Variants in RCOR1 observed in about 807,000 individuals in gnomAD.
The protein encoded by RCOR1 is REST corepressor.
RCOR1 carries 12 observed loss-of-function variants against 64.0 expected under a neutral mutation model. That is an observed-to-expected ratio of 0.19 (90% confidence interval 0.12 to 0.30). RCOR1 has a LOEUF of 0.30. RCOR1 is among the 10% of genes least tolerant of loss of function. The pLI, the probability that RCOR1 is intolerant of heterozygous loss-of-function variation, is 1.00. For synonymous variants in RCOR1, 279 were observed against 227.2 expected (o/e 1.23, Z -2.05); for missense variants, 502 against 621.2 (o/e 0.81, Z 2.04).
intron 4 of RCOR1, among the ~76,000 whole-genome samples, chr14:102,703,672 G>A (rs1895791764): frequency 6.6e-6 from 1 of 152,210 alleles, no homozygotes; most frequent in South Asian, 2.1e-4. Context: ...GAGTCTCTCT[G>A]AAGAGACCAC....
At chr14:102,703,551 T>C (rs1895789556) in intron 4 of RCOR1, among the ~76,000 whole-genome samples, 1 of 152,234 alleles carries the variant, frequency 6.6e-6, no homozygotes, top group South Asian at 2.1e-4. Context: ...TGGTCTGATA[T>C]ATTCAAAGCA....
rs1186530941 is a variant in RCOR1, at chr14:102,597,249, C to T, written c.361+3924C>T. 2.0e-5 allele frequency among the ~76,000 whole-genome samples: 3 copies of T among 150,056 alleles called. No homozygotes were observed. In the East Asian group the frequency reaches 5.8e-4, roughly 29 times the overall value. ...ACAGAGAGGTGGACGTGAAACTTAACAGGCAGCTTTTTTTCTTTTCTTTTT... is the reference window on the plus strand; with the variant it reads ...ACAGAGAGGTGGACGTGAAACTTAATAGGCAGCTTTTTTTCTTTTCTTTTT... On this transcript the variant is annotated intron_variant, in intron 2 of 11. Coordinates refer to ENST00000262241, the MANE Select transcript of RCOR1 (RefSeq NM_015156.4).
chr14:102,638,368 CTTCTT>C (rs1476138666), intron 2 of RCOR1, among the ~76,000 whole-genome samples: 2 of 152,096 alleles, frequency 1.3e-5, no homozygotes, highest in East Asian at 3.9e-4. Context: ...ATAGCGTTGT[CTTCTT>C]TTCTTTCTTT....
intron 2 of RCOR1, chr14:102,659,431 C>T (rs1894789260): frequency 3.9e-6 from 1 of 256,694 alleles, no homozygotes; most frequent in Admixed American, 6.5e-5. Context: ...CTGGAGATTC[C>T]TGCAAAGTGG....
chr14:102,611,175 G>A (rs997505211), intron 2 of RCOR1, among the ~76,000 whole-genome samples: 2 of 151,554 alleles, frequency 1.3e-5, no homozygotes, highest in East Asian at 3.9e-4. Context: ...CCATTCAGGC[G>A]ATTCTCCTGT....
intron 2 of RCOR1, among the ~76,000 whole-genome samples, chr14:102,664,104 T>A (rs370399383): frequency 1.3e-5 from 2 of 152,082 alleles, no homozygotes; most frequent in East Asian, 3.9e-4. Context: ...ATTGAGTCAG[T>A]TCTATTTTTT....
At chr14:102,628,742 C>T (rs1224289207) in intron 2 of RCOR1, among the ~76,000 whole-genome samples, 8 of 152,134 alleles carry the variant, frequency 5.3e-5, no homozygotes, top group Middle Eastern at 3.2e-3. Flanking sequence ...TTAGTAGAGA[C>T]GGTGTTCCAC....
intron 2 of RCOR1, among the ~76,000 whole-genome samples, chr14:102,608,986 T>C (rs1020645123): frequency 1.3e-5 from 2 of 151,918 alleles, no homozygotes; most frequent in African/African-American, 4.8e-5. Context: ...ATATATCTAT[T>C]AGTGGAATTG....
At chr14:102,662,848 A>G (rs1894851336) in intron 2 of RCOR1, 1 of 178,494 alleles carries the variant, frequency 5.6e-6, no homozygotes, top group African/African-American at 2.4e-5. Flanking sequence ...AACTTTGTAG[A>G]TAAGTTTTTG....
rs528221524 is a variant in RCOR1 at position 102,727,600 on chromosome 14, G to A, written c.*1094G>A. The A allele has an allele frequency of 6.6e-6, 1 of 152,196 alleles. No individual in the cohort carries two copies. The highest frequency in any genetic ancestry group is 1.9e-4 in the East Asian group (1 of 5,168). The allele number at this position is 152,196 out of a possible 1,614,324, so 9.4% of individuals were successfully genotyped here. The stretch of plus-strand genomic sequence containing the variant: ...TGCCTGGCCTTTTATGTGGCACTCT[G>A]TATGTCAGTTTGTGTCCTTCATGTG... On this transcript the variant is annotated 3_prime_UTR_variant, in exon 12 of 12. Transcript: ENST00000262241.
At chr14:102,655,361 A>C (rs775368265) in intron 2 of RCOR1, 1 of 985,152 alleles carries the variant, frequency 1.0e-6, no homozygotes, top group South Asian at 4.7e-5. Flanking sequence ...AGGAAGCTGA[A>C]TGACTCATGG....
chr14:102,725,196 T>C (rs1896236038), intron 11 of RCOR1, among the ~76,000 whole-genome samples: 1 of 152,210 alleles, frequency 6.6e-6, no homozygotes, highest in African/African-American at 2.4e-5. Context: ...CTGTTACCAG[T>C]GAGGAGAAAT....
chr14:102,632,611 A>ATCCTTTCCTTTCCTTTCCTT lies in RCOR1; in HGVS notation c.361+39338_361+39357dup, dbSNP rs201997281. Among the ~76,000 whole-genome samples the ATCCTTTCCTTTCCTTTCCTT allele has an allele frequency of 1.1e-4, 12 of 108,004 alleles. No individual in the cohort carries two copies. In the East Asian group the frequency reaches 1.2e-3, roughly 11 times the overall value. 70.9% of individuals were successfully genotyped at this position (108,004 alleles called of 152,430 possible). On this transcript the variant is annotated intron_variant, in intron 2 of 11. Coordinates refer to ENST00000262241, the MANE Select transcript of RCOR1 (RefSeq NM_015156.4). ...TCAAGACTGATTTTGACTGCATGCT[A>ATCCTTTCCTTTCCTTTCCTT]TCCTTTCCTTTCCTTTCCTTTCCTT...
At chr14:102,612,305 C>G (rs1267012820) in intron 2 of RCOR1, among the ~76,000 whole-genome samples, 1 of 151,948 alleles carries the variant, frequency 6.6e-6, no homozygotes, top group African/African-American at 2.4e-5. Context: ...GCTAGGATTG[C>G]AGGCATGAGC....
intron 2 of RCOR1, among the ~76,000 whole-genome samples, chr14:102,676,239 CG>C (rs1290299988): frequency 1.3e-5 from 2 of 149,122 alleles, no homozygotes; most frequent in African/African-American, 5.0e-5. Flanking sequence ...ACCTCCCAGA[CG>C]GGGTCGTGGC....
At chr14:102,614,261 G>A (rs1015076392) in intron 2 of RCOR1, among the ~76,000 whole-genome samples, 4 of 118,962 alleles carry the variant, frequency 3.4e-5, no homozygotes, top group African/African-American at 1.3e-4. Flanking sequence ...GTCTCGCTTT[G>A]TCACCTAGGC....
intron 4 of RCOR1, among the ~76,000 whole-genome samples, chr14:102,707,044 CAT>C (rs1462659005): frequency 6.6e-6 from 1 of 151,826 alleles, no homozygotes; most frequent in Non-Finnish European, 1.5e-5. Context: ...CCAATTAAAA[CAT>C]ATTGCATATT....
At chr14:102,633,401 C>G (rs1423346607) in intron 2 of RCOR1, among the ~76,000 whole-genome samples, 2 of 151,964 alleles carry the variant, frequency 1.3e-5, no homozygotes, top group Non-Finnish European at 2.9e-5. Context: ...ATTATATTGC[C>G]CAGGATACTG....
chr14:102,719,108 G>T (rs184911532), intron 8 of RCOR1, among the ~76,000 whole-genome samples: 1 of 151,858 alleles, frequency 6.6e-6, no homozygotes, highest in Non-Finnish European at 1.5e-5. Flanking sequence ...TTTTTGGCAG[G>T]GTCTGGCACT....
Sources: allele counts gnomAD v4.1 joint callset (sites outside exome capture counted in the v4.1 genomes callset), GRCh38; gene constraint gnomAD v4.1.1; transcripts MANE v1.5; gene names NCBI Gene and HGNC (gene_info 2026-07-23, HGNC 2026-07-21).